Variants in NRBP2 observed in about 807,000 individuals in gnomAD.
NRBP2 encodes the protein nuclear receptor-binding protein 2.
Under a neutral mutation model 74.4 loss-of-function variants are expected in NRBP2, and 47 were observed. That is an observed-to-expected ratio of 0.63 (90% CI 0.50 to 0.81). NRBP2 has a LOEUF of 0.81. Among genes scored for constraint, NRBP2 ranks in the 30% least tolerant of loss-of-function variants. The probability of loss-of-function intolerance (pLI) is 0.00; values close to 1 mark genes in which losing one functional copy is unlikely to be tolerated. For synonymous variants in NRBP2, 312 were observed against 273.8 expected (o/e 1.14, Z -1.38); for missense variants, 613 against 690.1 (o/e 0.89, Z 1.25).
rs1554652763 is a variant in NRBP2 at position 143,839,061 on chromosome 8, C to T, written c.644G>A (p.Arg215Gln). The T allele has an allele frequency of 5.9e-6, 9 of 1,535,816 alleles. No individual in the cohort carries two copies. The highest frequency in any genetic ancestry group is 7.0e-6 in the Non-Finnish European group (8 of 1,144,726). The stretch of plus-strand genomic sequence containing the variant: ...GAAGTGCAGGTTCCGAAGTTCCTCT[C>T]GCTCAGCGCGGATGGGGCTTCGGAG... ...DDLRSPIRAE[R>Q]EELRNLHFFP... Residue 215 changes from arginine to glutamine, a missense_variant, in exon 8 of 18, where the codon CGA becomes CAA. Physicochemically the swap from Arg to Gln is conservative, Grantham distance 43 (BLOSUM62 1). Transcript: ENST00000442628. This position sits in a 1 kb window ranked among gnomAD's most constrained non-coding sequence, Gnocchi z 5.1.
rs972139034 is a variant in NRBP2, at chr8:143,839,878, C to A, written c.354+51G>T. The A allele has an allele frequency of 6.5e-7, 1 of 1,534,608 alleles. No homozygotes were observed. The highest frequency in any genetic ancestry group is 1.4e-5 in the African/African-American group (1 of 73,014). On this transcript the variant is annotated intron_variant, in intron 3 of 17. Transcript: ENST00000442628. The surrounding 1 kb of genome is among the most constrained non-coding windows in gnomAD (Gnocchi z 5.1). ...CCAGCTGCGGGTTCGTCCCCATGCC[C>A]GCCCCACCTAGCTGTGGTCTCTGCC...
Position 143,840,613 on chromosome 8 carries a change from C to T in NRBP2, c.129+93G>A. The T allele has an allele frequency of 1.6e-6, 2 of 1,218,970 alleles. No homozygotes were observed. The highest frequency in any genetic ancestry group is 1.1e-6 in the Non-Finnish European group (1 of 925,180). 75.5% of individuals were successfully genotyped at this position (1,218,970 alleles called of 1,614,324 possible). ...GCCGCGGAGAGGTTTCCAGCCGCCG[C>T]GCTCTCCCAGCGCCCCCACGCCCCG... On this transcript the variant is annotated intron_variant, in intron 1 of 17. Transcript: ENST00000442628. This position sits in a 1 kb window ranked among gnomAD's most constrained non-coding sequence, Gnocchi z 5.7.
rs569325477 is a variant in NRBP2 at position 143,835,527 on chromosome 8, G to A, written c.*135C>T. Reference sequence around the variant, plus strand: ...AGGGTCAGCCCCACTCTCAGGAGACGGGGGGTTCCTTCACTACCGGGGCCT... The same window carrying A: ...AGGGTCAGCCCCACTCTCAGGAGACAGGGGGTTCCTTCACTACCGGGGCCT... On this transcript the variant is annotated 3_prime_UTR_variant, in exon 18 of 18. Transcript: ENST00000442628. This position sits in a 1 kb window ranked among gnomAD's most constrained non-coding sequence, Gnocchi z 4.9. The A allele has an allele frequency of 2.2e-5, 17 of 765,930 alleles. No homozygotes were observed. The highest frequency in any genetic ancestry group is 8.3e-5 in the East Asian group (3 of 36,028). The allele number at this position is 765,930 out of a possible 1,614,324, so 47.4% of individuals were successfully genotyped here. A position where few individuals can be genotyped will look rare whatever the true frequency, so the allele number is the denominator to read the frequency against.
Sources: gnomAD v4.1 joint callset for allele counts on GRCh38, gnomAD v4.1.1 for gene constraint, Gnocchi (gnomAD v3.1) non-coding constraint, MANE v1.5 for transcripts, NCBI Gene and HGNC (gene_info 2026-07-23, HGNC 2026-07-21) for gene names.